Variants in LINGO2 observed in about 807,000 individuals in gnomAD.
The protein encoded by LINGO2 is leucine-rich repeat and immunoglobulin-like domain-containing nogo receptor-interacting protein 2.
In LINGO2, 14 loss-of-function variants were observed where a neutral mutation model predicts 30.6. The ratio of observed to expected loss-of-function variants is 0.46; its 90% CI spans 0.30 to 0.72. The LOEUF (loss-of-function observed/expected upper bound fraction) is 0.72. Ranked by LOEUF, LINGO2 falls within the 30% of genes least tolerant of loss-of-function variation. The pLI is 0.07. For missense variants in LINGO2, 729 were observed against 751.7 expected (o/e 0.97, Z 0.35); for synonymous variants, 317 against 288.5 (o/e 1.10, Z -1.00).
At chr9:29,164,741 T>A in the LINGO2 span, among the ~76,000 whole-genome samples, 31 of 151,906 alleles carry the variant, frequency 2.0e-4, no homozygotes, top group South Asian at 6.2e-4. Flanking sequence ...CACACATTCA[T>A]GTGCATATAT....
At chr9:28,450,889 T>C (rs893402409) in intron 2 of LINGO2, among the ~76,000 whole-genome samples, 2 of 152,022 alleles carry the variant, frequency 1.3e-5, no homozygotes, top group Non-Finnish European at 1.5e-5. Context: ...TGATTAATAG[T>C]TGTATTTAAA....
the LINGO2 span, among the ~76,000 whole-genome samples, chr9:29,165,808 A>C: frequency 6.6e-6 from 1 of 152,148 alleles, no homozygotes; most frequent in East Asian, 1.9e-4. Context: ...CAAAGGAAAA[A>C]GCCAGTTTCT....
At chr9:28,479,502 T>A (rs1004420617) in intron 1 of LINGO2, among the ~76,000 whole-genome samples, 1 of 151,924 alleles carries the variant, frequency 6.6e-6, no homozygotes, top group African/African-American at 2.4e-5. Flanking sequence ...TAGCAAAAGA[T>A]CATTTTGTTG....
At chr9:29,000,965 A>AT in the LINGO2 span, among the ~76,000 whole-genome samples, 1 of 152,026 alleles carries the variant, frequency 6.6e-6, no homozygotes, top group Non-Finnish European at 1.5e-5. Flanking sequence ...TAATATCAGA[A>AT]TTTTTTATAT....
the LINGO2 span, among the ~76,000 whole-genome samples, chr9:29,196,913 T>A: frequency 2.0e-5 from 3 of 152,048 alleles, no homozygotes; most frequent in Non-Finnish European, 2.9e-5. Context: ...TATCCCAGGT[T>A]AGATAACTCA....
chr9:28,668,999 C>T (rs13298868), intron 1 of LINGO2, among the ~76,000 whole-genome samples: 15,237 of 151,856 alleles, frequency 0.1, 979 homozygotes, highest in East Asian at 0.2. Context: ...ATCAATGATG[C>T]CTTTAATTTT....
intron 4 of LINGO2, among the ~76,000 whole-genome samples, chr9:28,252,848 A>G (rs892665325): frequency 1.3e-5 from 2 of 152,078 alleles, no homozygotes; most frequent in Non-Finnish European, 2.9e-5. Context: ...ATGCCTATAC[A>G]GTGGTTATCA....
the LINGO2 span, among the ~76,000 whole-genome samples, chr9:28,959,305 T>G: frequency 6.6e-6 from 1 of 151,992 alleles, no homozygotes; most frequent in Admixed American, 6.6e-5. Flanking sequence ...TAGTCTATTG[T>G]CTCATAAGAA....
At chr9:28,722,751 C>A in the LINGO2 span, among the ~76,000 whole-genome samples, 1 of 152,122 alleles carries the variant, frequency 6.6e-6, no homozygotes, top group Non-Finnish European at 1.5e-5. Flanking sequence ...CTGTTGGATG[C>A]TATCTTCTCC....
At chr9:28,224,157 C>T (rs1027876342) in intron 4 of LINGO2, among the ~76,000 whole-genome samples, 16 of 152,248 alleles carry the variant, frequency 1.1e-4, no homozygotes, top group East Asian at 9.7e-4. Context: ...CTCTGCCTCT[C>T]GGGTTCACAC....
intron 4 of LINGO2, among the ~76,000 whole-genome samples, chr9:28,232,127 G>A (rs1006267064): frequency 6.6e-6 from 1 of 151,922 alleles, no homozygotes; most frequent in Non-Finnish European, 1.5e-5. Context: ...GGCTGGGCAC[G>A]GTGGCTCATG....
At chr9:28,596,646 G>T (rs79080403) in intron 1 of LINGO2, among the ~76,000 whole-genome samples, 2 of 152,236 alleles carry the variant, frequency 1.3e-5, no homozygotes, top group Non-Finnish European at 2.9e-5. Context: ...TTAAGACCTA[G>T]CTTGTAAAGT....
At chr9:27,966,156 C>A (rs987260271) in intron 5 of LINGO2, among the ~76,000 whole-genome samples, 1 of 151,944 alleles carries the variant, frequency 6.6e-6, no homozygotes, top group Non-Finnish European at 1.5e-5. Flanking sequence ...ACTGAAAACC[C>A]TTTTTGATGC....
At chr9:28,797,203 T>A in the LINGO2 span, among the ~76,000 whole-genome samples, 1 of 151,220 alleles carries the variant, frequency 6.6e-6, no homozygotes, top group Admixed American at 6.6e-5. Flanking sequence ...AAATATGAAT[T>A]TTCCAGGAAC....
At chr9:28,509,114 A>C (rs1820266826) in intron 1 of LINGO2, among the ~76,000 whole-genome samples, 1 of 152,144 alleles carries the variant, frequency 6.6e-6, no homozygotes, top group African/African-American at 2.4e-5. Flanking sequence ...CTTTAGATCA[A>C]ATCAGCCTCC....
chr9:28,297,569 C>A (rs939768779), intron 3 of LINGO2, among the ~76,000 whole-genome samples: 1 of 152,144 alleles, frequency 6.6e-6, no homozygotes, highest in East Asian at 1.9e-4. Context: ...ACCTTATGAA[C>A]AATCTGCTAT....
At chr9:29,166,847 A>G in the LINGO2 span, among the ~76,000 whole-genome samples, 3 of 152,102 alleles carry the variant, frequency 2.0e-5, no homozygotes, top group East Asian at 5.8e-4. Flanking sequence ...ATTCATTTAG[A>G]TGCTCATATT....
chr9:28,685,833 C>T, the LINGO2 span, among the ~76,000 whole-genome samples: 1 of 151,978 alleles, frequency 6.6e-6, no homozygotes, highest in Non-Finnish European at 1.5e-5. Context: ...ATACGTATTT[C>T]CTCACCATCC....
At chr9:28,662,212 A>G (rs1443609143) in intron 1 of LINGO2, among the ~76,000 whole-genome samples, 2 of 152,190 alleles carry the variant, frequency 1.3e-5, no homozygotes, top group Non-Finnish European at 2.9e-5. Flanking sequence ...GCAAAATGTA[A>G]TCAGAATCCA....
Sources: gnomAD v4.1 joint callset for allele counts (sites outside exome capture counted in the v4.1 genomes callset) on GRCh38, gnomAD v4.1.1 for gene constraint, MANE v1.5 for transcripts, NCBI Gene and HGNC (gene_info 2026-07-23, HGNC 2026-07-21) for gene names.